The following TEX9 variants were observed in gnomAD, a reference collection of about 807,000 sequenced individuals.
TEX9 encodes testis expressed 9.
Under a neutral mutation model 59.6 loss-of-function variants are expected in TEX9, and 74 were observed. That is an observed-to-expected ratio of 1.24 (90% CI 1.03 to 1.51). The LOEUF is 1.51. Among genes scored for constraint, TEX9 ranks in the 40% most tolerant of loss-of-function variants. The probability of loss-of-function intolerance (pLI) is 0.00; values close to 1 mark genes in which losing one functional copy is unlikely to be tolerated. For missense variants in TEX9, 522 were observed against 447.8 expected, an observed-to-expected ratio of 1.17 and a Z score of -1.49; for synonymous variants, 186 against 152.2, an observed-to-expected ratio of 1.22 and a Z score of -1.64.
At chr15:56,425,147 T>C (rs1479836607) in intron 10 of TEX9, among the ~76,000 whole-genome samples, 3 of 152,194 alleles carry the variant, frequency 2.0e-5, no homozygotes, top group Non-Finnish European at 4.4e-5. Flanking sequence ...ATGAGCCATT[T>C]TGTCTTGTTG....
intron 1 of TEX9, among the ~76,000 whole-genome samples, chr15:56,333,027 A>C (rs962189013): frequency 6.6e-5 from 10 of 152,218 alleles, no homozygotes; most frequent in Admixed American, 1.3e-4. Context: ...AGCCATAATA[A>C]AAAGTCTCCC....
chr15:56,425,619 C>A (rs75571247), intron 10 of TEX9, among the ~76,000 whole-genome samples: 8,624 of 152,072 alleles, frequency 0.057, 640 homozygotes, highest in East Asian at 0.36. Flanking sequence ...ACCCTGATTT[C>A]ATTTAGTTGT....
At chr15:56,368,711 T>A (rs74015414) in intron 2 of TEX9, among the ~76,000 whole-genome samples, 34 of 152,144 alleles carry the variant, frequency 2.2e-4, no homozygotes, top group African/African-American at 8.2e-4. Context: ...GAGTCTATGG[T>A]GGTATGTTTG....
At chr15:56,443,592 A>T in intron 12 of TEX9, 1 of 1,584,660 alleles carries the variant, frequency 6.3e-7, no homozygotes, top group South Asian at 1.2e-5. Context: ...TCTGTAACTA[A>T]TATTTCAGAA....
chr15:56,266,907 G>A (rs8039330), intron 1 of TEX9, among the ~76,000 whole-genome samples: 28 of 151,882 alleles, frequency 1.8e-4, no homozygotes, highest in Non-Finnish European at 3.2e-4. Flanking sequence ...CCACACAGTC[G>A]TCCATAATGG....
intron 1 of TEX9, among the ~76,000 whole-genome samples, chr15:56,270,464 G>C (rs551139059): frequency 2.0e-4 from 31 of 152,192 alleles, no homozygotes; most frequent in African/African-American, 7.5e-4. Context: ...GACCAAGATT[G>C]CAACCCCTGC....
chr15:56,312,710 C>T (rs2141636557), intron 1 of TEX9, among the ~76,000 whole-genome samples: 1 of 110,372 alleles, frequency 9.1e-6, no homozygotes, highest in Admixed American at 9.8e-5. Context: ...ATGGGGATGG[C>T]ATTGAATCTG....
intron 1 of TEX9, among the ~76,000 whole-genome samples, chr15:56,316,382 A>T (rs1195105635): frequency 1.6e-4 from 24 of 151,964 alleles, no homozygotes; most frequent in African/African-American, 5.8e-4. Flanking sequence ...GAGGACCCTC[A>T]GCTGCAGGTC....
Position 56,444,953 on chromosome 15 carries a change from T to A in TEX9, c.*30-718T>A, listed in dbSNP as rs185273027. Among the ~76,000 whole-genome samples the A allele has an allele frequency of 3.9e-3, 597 of 152,148 alleles. 2 individuals carry two copies. Among genetic ancestry groups the A allele is most frequent in the Non-Finnish European group, 6.9e-3 (471 of 67,876 alleles). On this transcript the variant is annotated intron_variant, in intron 12 of 12. Coordinates refer to ENST00000352903, the Ensembl canonical transcript of TEX9. ...ACATTCAAAAAACAATGAATACAATTGTAAGTAGTTTCTTAATAACTATTT... is the reference window on the plus strand; with the variant it reads ...ACATTCAAAAAACAATGAATACAATAGTAAGTAGTTTCTTAATAACTATTT...
intron 1 of TEX9, among the ~76,000 whole-genome samples, chr15:56,359,831 T>C (rs1011470160): frequency 6.6e-5 from 10 of 152,142 alleles, no homozygotes; most frequent in Admixed American, 4.6e-4. Context: ...TTGTTCCTGA[T>C]CTTAGGGAGA....
chr15:56,382,799 G>A (rs947800381), intron 3 of TEX9, among the ~76,000 whole-genome samples: 6 of 152,178 alleles, frequency 3.9e-5, no homozygotes, highest in Admixed American at 2.0e-4. Context: ...GAAGGAATGA[G>A]ACACTTTTGT....
exon 11 of TEX9, chr15:56,427,679 A>C: frequency 6.5e-7 from 1 of 1,539,030 alleles, no homozygotes; most frequent in Non-Finnish European, 8.7e-7. Context: ...AACAAAAAGG[A>C]GAATTAATGA....
At chr15:56,354,131 A>G (rs1253850039) in intron 1 of TEX9, among the ~76,000 whole-genome samples, 1 of 152,178 alleles carries the variant, frequency 6.6e-6, no homozygotes, top group East Asian at 1.9e-4. Flanking sequence ...GTACATTTTT[A>G]TATGTTGTAT....
At chr15:56,304,173 G>A (rs2045424185) in intron 1 of TEX9, among the ~76,000 whole-genome samples, 1 of 152,176 alleles carries the variant, frequency 6.6e-6, no homozygotes, top group Non-Finnish European at 1.5e-5. Flanking sequence ...GAGTGCAGTG[G>A]TGTGATCATT....
Position 56,423,551 on chromosome 15 carries a change from C to G in TEX9, c.964-4054C>G, listed in dbSNP as rs1296022248. Among the ~76,000 whole-genome samples, 6 of 152,016 alleles carry G rather than the reference C, an allele frequency of 3.9e-5. No individual in the cohort carries two copies. In the East Asian group the frequency reaches 1.2e-3, roughly 29 times the overall value. ...GAGATACAATTCATATACCATGCAA[C>G]CCACTTAAAATATACAAATAAGTTT... is the stretch of plus-strand genomic sequence containing the variant. On this transcript the variant is annotated intron_variant, in intron 10 of 12. Coordinates refer to ENST00000352903, the Ensembl canonical transcript of TEX9.
At chr15:56,409,208 AAATT>A (rs1172948694) in intron 9 of TEX9, among the ~76,000 whole-genome samples, 1 of 152,164 alleles carries the variant, frequency 6.6e-6, no homozygotes, top group Admixed American at 6.5e-5. Flanking sequence ...AAAAAAAAAA[AAATT>A]AAGTCAGATC....
chr15:56,427,764 C>A, intron 11 of TEX9, 25 bp downstream of exon 11: 2 of 1,414,618 alleles, frequency 1.4e-6, no homozygotes, highest in South Asian at 1.6e-5. Flanking sequence ...AAAGTTAAAT[C>A]ATCATATTAT....
At chr15:56,405,068 C>G (rs769659425) in intron 9 of TEX9, among the ~76,000 whole-genome samples, 152 of 152,178 alleles carry the variant, frequency 1.0e-3, no homozygotes, top group Non-Finnish European at 1.1e-3. Context: ...CAACATGATA[C>G]ATGTATACCC....
At chr15:56,379,180 C>G (rs759324368) in intron 3 of TEX9, among the ~76,000 whole-genome samples, 1 of 151,974 alleles carries the variant, frequency 6.6e-6, no homozygotes, top group Non-Finnish European at 1.5e-5. Context: ...GTTGTAGGCA[C>G]TTACAGCTGC....
Sources: gnomAD v4.1 joint callset for allele counts (sites outside exome capture counted in the v4.1 genomes callset) on GRCh38, gnomAD v4.1.1 for gene constraint, MANE v1.5 for transcripts, NCBI Gene and HGNC (gene_info 2026-07-23, HGNC 2026-07-21) for gene names.